The following RPAP2 variants were observed in gnomAD, a reference collection of about 807,000 sequenced individuals.
RPAP2 encodes RNA polymerase II associated protein 2, also known as putative RNA polymerase II subunit B1 CTD phosphatase RPAP2.
A neutral mutation model predicts 73.1 loss-of-function variants in RPAP2; 52 were observed. The observed-to-expected ratio is 0.71, with a 90% CI of 0.57 to 0.90. The LOEUF (loss-of-function observed/expected upper bound fraction) is 0.90. Ranked by LOEUF, RPAP2 falls within the 40% of genes least tolerant of loss-of-function variation. The pLI, the probability that RPAP2 is intolerant of heterozygous loss-of-function variation, is 0.00. For synonymous variants in RPAP2, 225 were observed against 242.1 expected, an observed-to-expected ratio of 0.93 and a Z score of 0.65; for missense variants, 598 against 701.8, an observed-to-expected ratio of 0.85 and a Z score of 1.67.
intron 11 of RPAP2, 73 bp downstream of exon 11, chr1:92,345,987 C>T: frequency 2.8e-6 from 3 of 1,069,498 alleles, no homozygotes; most frequent in Non-Finnish European, 1.4e-6. Context: ...ACAAAGTGAT[C>T]CACTGATTTT....
At chr1:92,348,765 G>GT (rs1654045247) in intron 11 of RPAP2, among the ~76,000 whole-genome samples, 1 of 152,102 alleles carries the variant, frequency 6.6e-6, no homozygotes, top group African/African-American at 2.4e-5. Flanking sequence ...TATTCATCAT[G>GT]TTAAAACTCC....
intron 6 of RPAP2, among the ~76,000 whole-genome samples, chr1:92,309,171 T>C (rs1022443641): frequency 8.5e-5 from 13 of 152,060 alleles, no homozygotes; most frequent in South Asian, 2.1e-4. Context: ...GTGCCGGGCG[T>C]GGTGGCTTAC....
intron 8 of RPAP2, among the ~76,000 whole-genome samples, chr1:92,331,233 T>G (rs1652947082): frequency 6.6e-6 from 1 of 152,240 alleles, no homozygotes; most frequent in African/African-American, 2.4e-5. Context: ...TACAGTCTAC[T>G]TTGCTGACAT....
Position 92,345,894 on chromosome 1 carries a change from T to C in RPAP2, c.1668T>C (p.Ile556=), listed in dbSNP as rs890295372. ...IIHKPAEWTL[I]AMVLLSLLTP... ...ACAAACCTGCGGAATGGACTTTAAT[T>C]GCTATGGTGTTGCTGTCATTGTAAG... is the stretch of plus-strand genomic sequence containing the variant. The change falls in exon 11 of 13, where the codon ATT becomes ATC. Residue 556 remains isoleucine (I), a synonymous_variant. Coordinates refer to ENST00000610020, the MANE Select transcript of RPAP2 (RefSeq NM_024813.3). The C allele has an allele frequency of 2.4e-5, 39 of 1,604,876 alleles. No homozygotes were observed. The highest frequency in any genetic ancestry group is 3.2e-5 in the Non-Finnish European group (38 of 1,172,536).
chr1:92,392,620 G>C lies in RPAP2; in HGVS notation c.*5609G>C, dbSNP rs1452444234. On this transcript the variant is annotated 3_prime_UTR_variant, in exon 13 of 13. Coordinates refer to ENST00000610020, the MANE Select transcript of RPAP2 (RefSeq NM_024813.3). ...GTCTCTGTTTGCAGATGACATGATTGTATATTTAGAAAACCCCATCGTCTC... is the reference window on the plus strand; with the variant it reads ...GTCTCTGTTTGCAGATGACATGATTCTATATTTAGAAAACCCCATCGTCTC... The C allele has an allele frequency of 6.6e-6, 1 of 152,174 alleles. No homozygotes were observed. The allele number at this position is 152,174 out of a possible 1,614,324, so 9.4% of individuals were successfully genotyped here. A position where few individuals can be genotyped will look rare whatever the true frequency, so the allele number is the denominator to read the frequency against.
chr1:92,345,934 T>C lies in RPAP2; in HGVS notation c.1688+20T>C. Reference sequence around the variant, plus strand: ...GTCATTGTAAGTACTCTCTCAGATTTTAACTCTAAATACTAAATGTGAAGC... The same window carrying C: ...GTCATTGTAAGTACTCTCTCAGATTCTAACTCTAAATACTAAATGTGAAGC... On this transcript the variant is annotated intron_variant, in intron 11 of 12. Transcript: ENST00000610020. 6.6e-7 allele frequency: 1 copy of C among 1,524,890 alleles called. No homozygotes were observed. Among genetic ancestry groups the C allele is most frequent in the South Asian group, 1.1e-5 (1 of 87,488 alleles). The allele number at this position is 1,524,890 out of a possible 1,614,324, so 94.5% of individuals were successfully genotyped here.
At position 92,301,565 on chromosome 1, in the gene RPAP2, T is replaced by A; in HGVS notation, c.209T>A (p.Ile70Asn). The A allele has an allele frequency of 1.3e-6, 2 of 1,534,844 alleles. No homozygotes were observed. Among genetic ancestry groups the A allele is most frequent in the Non-Finnish European group, 1.8e-6 (2 of 1,129,662 alleles). The change falls in exon 3 of 13, where the codon ATT becomes AAT. Residue 70 changes from isoleucine to asparagine, a missense_variant. By Grantham distance (149) the Ile-to-Asn change is moderately radical. Coordinates refer to ENST00000610020, the MANE Select transcript of RPAP2 (RefSeq NM_024813.3). ...HIVEQLLEEN[I>N]TEEFLMECGR... The stretch of plus-strand genomic sequence containing the variant: ...GTTGAACAGCTTTTAGAGGAGAATA[T>A]TACAGAAGAGTTCCTAATGGAGTGT...
At chr1:92,351,040 G>T (rs1654175911) in intron 11 of RPAP2, among the ~76,000 whole-genome samples, 1 of 152,102 alleles carries the variant, frequency 6.6e-6, no homozygotes, top group Non-Finnish European at 1.5e-5. Flanking sequence ...TAGGCGGGGT[G>T]CAGTGTCTCA....
At position 92,345,863 on chromosome 1, in the gene RPAP2, T is replaced by G. The variant is rs1224429860; in HGVS notation, c.1637T>G (p.Ile546Ser). The change falls in exon 11 of 13, where the codon ATT (isoleucine) becomes AGT (serine). Residue 546 changes from isoleucine to serine, a missense_variant. Ile to Ser is a moderately radical substitution (Grantham distance 142, BLOSUM62 -2). Coordinates refer to ENST00000610020, the MANE Select transcript of RPAP2 (RefSeq NM_024813.3). ...VRTFRLTNRN[I>S]IHKPAEWTLI... ...TCTTTCAGGTTAACAAATAGAAATA[T>G]TATACACAAACCTGCGGAATGGACT... 1 of 1,599,510 alleles carries G rather than the reference T, an allele frequency of 6.3e-7. No individual in the cohort carries two copies. Among genetic ancestry groups the G allele is most frequent in the South Asian group, 1.1e-5 (1 of 90,226 alleles).
chr1:92,329,611 G>A (rs1164623590), intron 8 of RPAP2, among the ~76,000 whole-genome samples: 1 of 152,152 alleles, frequency 6.6e-6, no homozygotes, highest in Non-Finnish European at 1.5e-5. Context: ...GTTCATGATG[G>A]GAGTCTCCAC....
chr1:92,306,738 C>G (rs1027405792), intron 5 of RPAP2, among the ~76,000 whole-genome samples: 2 of 151,990 alleles, frequency 1.3e-5, no homozygotes, highest in Non-Finnish European at 2.9e-5. Context: ...ACTCAGGAGG[C>G]TGAAACCAGA....
At position 92,400,307 on chromosome 1, in the gene RPAP2, A is replaced by C. The variant is rs1470655406; in HGVS notation, c.*13296A>C. ...TACGGAGGGGATCCTGGTTGGAGTC[A>C]GAGTATACCTTGGTTTGGTTTTGTG... On this transcript the variant is annotated 3_prime_UTR_variant, in exon 13 of 13. Coordinates refer to ENST00000610020, the MANE Select transcript of RPAP2 (RefSeq NM_024813.3). 6.6e-6 allele frequency: 1 copy of C among 152,372 alleles called. No homozygotes were observed. Among genetic ancestry groups the C allele is most frequent in the African/African-American group, 2.4e-5 (1 of 41,436 alleles). 9.4% of individuals were successfully genotyped at this position (152,372 alleles called of 1,614,324 possible).
intron 11 of RPAP2, among the ~76,000 whole-genome samples, chr1:92,346,720 A>G (rs918735128): frequency 2.0e-5 from 3 of 152,220 alleles, no homozygotes; most frequent in Admixed American, 2.0e-4. Context: ...AAAAGCATAT[A>G]TAAAACATTT....
Position 92,323,661 on chromosome 1 carries a change from A to G in RPAP2, c.741A>G (p.Ile247Met), listed in dbSNP as rs537520150. ...GACCACAGCTGCACCAAAAAAGCATAATGAAAAAGAAAGCTGGTCACAAAG... is the reference window on the plus strand; with the variant it reads ...GACCACAGCTGCACCAAAAAAGCATGATGAAAAAGAAAGCTGGTCACAAAG... ...NIRPQLHQKSIMKKKAGHKAN... is the reference protein window; with the variant it reads ...NIRPQLHQKSMMKKKAGHKAN... Residue 247 changes from isoleucine (I) to methionine (M), a missense_variant, in exon 8 of 13, where the codon ATA becomes ATG. By Grantham distance (10) the Ile-to-Met change is conservative (BLOSUM62 1). Coordinates refer to ENST00000610020, the MANE Select transcript of RPAP2 (RefSeq NM_024813.3). The G allele has an allele frequency of 2.5e-6, 4 of 1,613,646 alleles. No individual in the cohort carries two copies. Among genetic ancestry groups the G allele is most frequent in the Middle Eastern group, 1.7e-4 (1 of 6,052 alleles).
At chr1:92,303,295 C>T (rs1302709190) in intron 3 of RPAP2, among the ~76,000 whole-genome samples, 1 of 152,088 alleles carries the variant, frequency 6.6e-6, no homozygotes, top group Non-Finnish European at 1.5e-5. Flanking sequence ...GGCAAATATG[C>T]TTCATTTGAA....
chr1:92,310,013 C>G (rs1651497261), intron 6 of RPAP2, among the ~76,000 whole-genome samples: 1 of 152,134 alleles, frequency 6.6e-6, no homozygotes, highest in Non-Finnish European at 1.5e-5. Flanking sequence ...AGATTTAATC[C>G]AACCCCTTCA....
chr1:92,371,166 GT>G (rs1655131596), intron 11 of RPAP2, among the ~76,000 whole-genome samples: 1 of 151,996 alleles, frequency 6.6e-6, no homozygotes, highest in Admixed American at 6.6e-5. Context: ...TCAGCCAGGC[GT>G]GGTGGCATGT....
chr1:92,324,417 T>C, intron 8 of RPAP2, 42 bp downstream of exon 8: 1 of 1,434,898 alleles, frequency 7.0e-7, no homozygotes, highest in Non-Finnish European at 9.6e-7. Context: ...TCGTTAACAT[T>C]TGGAAAACTC....
rs530795399 is a variant in RPAP2, at chr1:92,355,283, A to C, written c.1688+9369A>C. ...CTGGATATATCCTATTTTTGTTCCT[A>C]ACTATCAGTGTAGCCTTGTACAAGT... On this transcript the variant is annotated intron_variant, in intron 11 of 12. Transcript: ENST00000610020. Among the ~76,000 whole-genome samples, 5 of 152,150 alleles carry C rather than the reference A, an allele frequency of 3.3e-5. No homozygotes were observed. In the East Asian group the frequency reaches 9.7e-4, roughly 29 times the overall value.
Sources: allele counts gnomAD v4.1 joint callset (sites outside exome capture counted in the v4.1 genomes callset), GRCh38; gene constraint gnomAD v4.1.1; transcripts MANE v1.5; gene names NCBI Gene and HGNC (gene_info 2026-07-23, HGNC 2026-07-21).